SMC5: variants seen among roughly 807,000 people sequenced by gnomAD.
The protein encoded by SMC5 is structural maintenance of chromosomes protein 5.
SMC5 carries 88 observed loss-of-function variants against 148.3 expected under a neutral mutation model. That is an observed-to-expected ratio of 0.59 (90% CI 0.50 to 0.71). SMC5 has a LOEUF of 0.71. Ranked by LOEUF, SMC5 falls within the 30% of genes least tolerant of loss-of-function variation. The pLI is 0.00. For missense variants in SMC5, 1,142 were observed against 1,298.9 expected, an observed-to-expected ratio of 0.88 and a Z score of 1.86; for synonymous variants, 421 against 432.8, an observed-to-expected ratio of 0.97 and a Z score of 0.34.
At chr9:70,289,353 T>G (rs941747330) in intron 8 of SMC5, among the ~76,000 whole-genome samples, 3 of 152,194 alleles carry the variant, frequency 2.0e-5, no homozygotes, top group African/African-American at 7.2e-5. Flanking sequence ...TAGTGATTTT[T>G]AAGGTGTCAG....
At chr9:70,261,030 C>T (rs527930453) in intron 1 of SMC5, among the ~76,000 whole-genome samples, 1 of 152,272 alleles carries the variant, frequency 6.6e-6, no homozygotes, top group Non-Finnish European at 1.5e-5. Context: ...TGAGCCACTG[C>T]ACCCGCCTAA....
At chr9:70,346,730 G>A (rs927595731) in intron 19 of SMC5, 81 bp downstream of exon 19, 49 of 1,412,294 alleles carry the variant, frequency 3.5e-5, no homozygotes, top group African/African-American at 4.3e-5. Context: ...TTTAAGGCCC[G>A]GAGATGAATT....
At chr9:70,347,211 C>A in intron 20 of SMC5, 50 bp downstream of exon 20, 2 of 1,451,774 alleles carry the variant, frequency 1.4e-6, no homozygotes, top group East Asian at 2.3e-5. Context: ...CACCACCACC[C>A]TCCCCATACA....
At chr9:70,346,544 G>T in intron 18 of SMC5, 61 bp from the exon 19 acceptor site, 1 of 1,545,722 alleles carries the variant, frequency 6.5e-7, no homozygotes, top group South Asian at 1.1e-5. Context: ...GCAGTATAAA[G>T]TTCTAACTTC....
chr9:70,280,132 A>G (rs1344838216), intron 5 of SMC5, among the ~76,000 whole-genome samples: 1 of 152,204 alleles, frequency 6.6e-6, no homozygotes, highest in African/African-American at 2.4e-5. Context: ...TTAGCTTCAG[A>G]TATTCTGTTC....
chr9:70,320,217 C>T (rs2035908585), intron 15 of SMC5, among the ~76,000 whole-genome samples: 1 of 152,206 alleles, frequency 6.6e-6, no homozygotes, highest in African/African-American at 2.4e-5. Context: ...AGCCTGCCCT[C>T]CATATTCGTG....
At position 70,277,332 on chromosome 9, in the gene SMC5, G is replaced by T. The variant is rs753829381; in HGVS notation, c.403G>T (p.Val135Leu). 2.5e-6 allele frequency: 4 copies of T among 1,575,116 alleles called. No individual in the cohort carries two copies. In the Admixed American group the frequency reaches 7.4e-5, roughly 29 times the overall value. ...IELFRASGNLVITREIDVAKN... is the reference protein window; with the variant it reads ...IELFRASGNLLITREIDVAKN... ...TAGGTTCAGGGCTTCTGGAAATCTT[G>T]TAATCACCCGTGAGATTGATGTGGC... Residue 135 changes from valine to leucine, a missense_variant, in exon 4 of 25, where the codon GTA becomes TTA. Val to Leu is a conservative substitution (Grantham distance 32). Around this residue, in one of 5 missense-constraint regions of SMC5, gnomAD observed 297 missense variants for 302.6 expected, o/e 0.98. Coordinates refer to ENST00000361138, the MANE Select transcript of SMC5 (RefSeq NM_015110.4).
intron 3 of SMC5, 144 bp from the exon 4 acceptor site, chr9:70,277,166 T>G: frequency 1.7e-6 from 1 of 593,928 alleles, no homozygotes; most frequent in Non-Finnish European, 2.5e-6. Flanking sequence ...GTTTCCTTCT[T>G]GAGGGGCCAA....
chr9:70,327,979 A>G (rs1368385238), intron 17 of SMC5, among the ~76,000 whole-genome samples: 1 of 152,124 alleles, frequency 6.6e-6, no homozygotes, highest in African/African-American at 2.4e-5. Flanking sequence ...GCAGAGTAGG[A>G]GAGAGGATGA....
rs538455541 is a variant in SMC5 at position 70,331,567 on chromosome 9, T to C, written c.2397+7424T>C. 1.9e-3 allele frequency among the ~76,000 whole-genome samples: 293 copies of C among 152,178 alleles called. 2 individuals carry two copies. Among genetic ancestry groups the C allele is most frequent in the Middle Eastern group, 3.4e-3 (1 of 294 alleles). On this transcript the variant is annotated intron_variant, in intron 17 of 24. Coordinates refer to ENST00000361138, the MANE Select transcript of SMC5 (RefSeq NM_015110.4). The stretch of plus-strand genomic sequence containing the variant: ...GCCACAATATTTATGAAGGAAATGA[T>C]AGGCTGTCTGGGATTGCTTCAAAAT...
chr9:70,260,147 C>T (rs777060528), intron 1 of SMC5, among the ~76,000 whole-genome samples: 1 of 151,846 alleles, frequency 6.6e-6, no homozygotes, highest in Admixed American at 6.6e-5. Flanking sequence ...TACTGTCGTC[C>T]GGGCTGGAAG....
intron 22 of SMC5, among the ~76,000 whole-genome samples, chr9:70,349,790 C>T (rs1156950010): frequency 6.6e-6 from 1 of 152,084 alleles, no homozygotes; most frequent in East Asian, 1.9e-4. Context: ...GGACAGAGTT[C>T]CTCGCTCAGT....
At chr9:70,259,855 C>T (rs1467004629) in intron 1 of SMC5, among the ~76,000 whole-genome samples, 3 of 152,240 alleles carry the variant, frequency 2.0e-5, no homozygotes, top group South Asian at 2.1e-4. Context: ...AACTAGTTAC[C>T]GCTTTAGAAT....
chr9:70,326,598 T>G (rs1218569009), intron 17 of SMC5, among the ~76,000 whole-genome samples: 1 of 137,360 alleles, frequency 7.3e-6, no homozygotes, highest in Non-Finnish European at 1.5e-5. Context: ...ACCAGAATCT[T>G]TTTTTTTTTT....
chr9:70,318,677 A>G lies in SMC5; in HGVS notation c.1970A>G (p.Glu657Gly). Reference sequence around the variant, plus strand: ...CTAGAGCAGAGAAGACACTTAGAAGAACAGCTAAAGGTTGGTTAATTTGAT... The same window carrying G: ...CTAGAGCAGAGAAGACACTTAGAAGGACAGCTAAAGGTTGGTTAATTTGAT... Reference protein sequence around the residue: ...VDLEQRRHLEEQLKEIHRKLQ... With the variant: ...VDLEQRRHLEGQLKEIHRKLQ... Residue 657 changes from glutamate to glycine, a missense_variant, in exon 14 of 25, where the codon GAA becomes GGA. Physicochemically the swap from Glu to Gly is moderately conservative, Grantham distance 98. Around this residue, in one of 5 missense-constraint regions of SMC5, gnomAD observed 743 missense variants for 835.7 expected, o/e 0.89. Coordinates refer to ENST00000361138, the MANE Select transcript of SMC5 (RefSeq NM_015110.4). The G allele has an allele frequency of 6.3e-7, 1 of 1,599,220 alleles. No homozygotes were observed. Among genetic ancestry groups the G allele is most frequent in the Non-Finnish European group, 8.5e-7 (1 of 1,174,466 alleles).
At chr9:70,316,200 A>G (rs568289588) in intron 13 of SMC5, among the ~76,000 whole-genome samples, 2 of 152,246 alleles carry the variant, frequency 1.3e-5, no homozygotes, top group East Asian at 1.9e-4. Flanking sequence ...AGGCAGAAAC[A>G]GAGAGGAAAT....
intron 3 of SMC5, among the ~76,000 whole-genome samples, chr9:70,275,890 T>C (rs1014756342): frequency 2.0e-5 from 3 of 152,220 alleles, no homozygotes; most frequent in African/African-American, 7.2e-5. Flanking sequence ...AGAATTCTTA[T>C]TAGACATATT....
chr9:70,344,216 A>G lies in SMC5; in HGVS notation c.2470A>G (p.Arg824Gly). 6.4e-7 allele frequency: 1 copy of G among 1,555,740 alleles called. No individual in the cohort carries two copies. The highest frequency in any genetic ancestry group is 2.4e-5 in the East Asian group (1 of 41,836). The stretch of plus-strand genomic sequence containing the variant: ...ATGCAAGGAACTTATGAAAAGAGCT[A>G]GGCAAGTATGTAACCTGGGTGCAGA... Reference protein sequence around the residue: ...QKCKELMKRARQVCNLGAEQT... With the variant: ...QKCKELMKRAGQVCNLGAEQT... The change falls in exon 18 of 25, where the codon AGG becomes GGG. Residue 824 changes from arginine (R) to glycine (G), a missense_variant. By Grantham distance (125) the Arg-to-Gly change is moderately radical (BLOSUM62 -2). Around this residue, in one of 5 missense-constraint regions of SMC5, gnomAD observed 743 missense variants for 835.7 expected, o/e 0.89. Coordinates refer to ENST00000361138, the MANE Select transcript of SMC5 (RefSeq NM_015110.4).
intron 8 of SMC5, among the ~76,000 whole-genome samples, chr9:70,291,017 A>G (rs565527540): frequency 2.8e-4 from 42 of 152,314 alleles, no homozygotes; most frequent in Admixed American, 8.5e-4. Flanking sequence ...GAACAGTTTA[A>G]GTAACATACT....
Sources: allele counts gnomAD v4.1 joint callset (sites outside exome capture counted in the v4.1 genomes callset), GRCh38; gene constraint gnomAD v4.1.1; regional missense constraint gnomAD v4.1.1; transcripts MANE v1.5; gene names NCBI Gene and HGNC (gene_info 2026-07-23, HGNC 2026-07-21).